The following IL1RL2 variants were observed in gnomAD, a reference collection of about 807,000 sequenced individuals.
The protein encoded by IL1RL2 is interleukin 1 receptor like 2, also known as interleukin-1 receptor-like 2.
Under a neutral mutation model 66.8 loss-of-function variants are expected in IL1RL2, and 68 were observed. That is an observed-to-expected ratio of 1.02 (90% CI 0.84 to 1.25). The LOEUF is 1.25. IL1RL2 is among the 50% of genes most tolerant of loss of function. The pLI is 0.00. For missense variants in IL1RL2, 729 were observed against 709.3 expected, an observed-to-expected ratio of 1.03 and a Z score of -0.32; for synonymous variants, 305 against 264.6, an observed-to-expected ratio of 1.15 and a Z score of -1.48.
chr2:102,218,662 T>C (rs1468663525), intron 6 of IL1RL2, among the ~76,000 whole-genome samples: 1 of 152,208 alleles, frequency 6.6e-6, no homozygotes, highest in Non-Finnish European at 1.5e-5. Context: ...CTTTGTGAAC[T>C]GTCAAGTTCT....
chr2:102,219,167 CTCT>C lies in IL1RL2; in HGVS notation c.854+87_854+89del. On this transcript the variant is annotated intron_variant, in intron 7 of 11. Transcript: ENST00000264257. ...AATCTGGTATCACTACTGCCTTCTC[CTCT>C]TGTTTTTGCCTCTCAATGATTCATG... The C allele has an allele frequency of 2.7e-6, 4 of 1,472,496 alleles. No individual in the cohort carries two copies. In the Admixed American group the frequency reaches 6.9e-5, roughly 26 times the overall value. 91.2% of individuals were successfully genotyped at this position (1,472,496 alleles called of 1,614,324 possible). A position where few individuals can be genotyped will look rare whatever the true frequency, so the allele number is the denominator to read the frequency against.
chr2:102,197,763 T>C (rs1687909804), intron 4 of IL1RL2, among the ~76,000 whole-genome samples: 1 of 152,214 alleles, frequency 6.6e-6, no homozygotes, highest in Admixed American at 6.5e-5. Context: ...CTGTGGGAGC[T>C]GAGTATTCCA....
At chr2:102,187,279 G>A in intron 1 of IL1RL2, 193 bp downstream of exon 1, 1 of 1,176,232 alleles carries the variant, frequency 8.5e-7, no homozygotes. Flanking sequence ...AGTGGAGCTC[G>A]CGGCTATTTT....
At position 102,201,482 on chromosome 2, in the gene IL1RL2, A is replaced by T. The variant is rs1688249625; in HGVS notation, c.490-74A>T. Reference sequence around the variant, plus strand: ...TCTGTTGTCTTCCAGTTAGACTGTAAATTACCTAAATACTAGGGATCACAC... The same window carrying T: ...TCTGTTGTCTTCCAGTTAGACTGTATATTACCTAAATACTAGGGATCACAC... On this transcript the variant is annotated intron_variant, in intron 4 of 11. Coordinates refer to ENST00000264257, the MANE Select transcript of IL1RL2 (RefSeq NM_003854.4). 1.2e-5 allele frequency: 17 copies of T among 1,409,414 alleles called. No individual in the cohort carries two copies. The South Asian group carries it at 1.8e-4, about 15-fold the overall frequency. 87.3% of individuals were successfully genotyped at this position (1,409,414 alleles called of 1,614,324 possible).
chr2:102,224,203 A>AGG (rs1690398216), intron 8 of IL1RL2, among the ~76,000 whole-genome samples: 1 of 152,228 alleles, frequency 6.6e-6, no homozygotes, highest in South Asian at 2.1e-4. Context: ...ATGATCCAGC[A>AGG]ATCCTACTGC....
chr2:102,197,110 T>G (rs1252890006), intron 4 of IL1RL2, among the ~76,000 whole-genome samples: 2 of 152,132 alleles, frequency 1.3e-5, no homozygotes, highest in African/African-American at 4.8e-5. Context: ...TTTCTAATTG[T>G]AAGGAGATGT....
chr2:102,236,261 T>G (rs932936539), intron 11 of IL1RL2, among the ~76,000 whole-genome samples: 3 of 152,104 alleles, frequency 2.0e-5, no homozygotes, highest in Non-Finnish European at 4.4e-5. Context: ...AAGCAGTCAG[T>G]GGGGGCTGGA....
intron 4 of IL1RL2, among the ~76,000 whole-genome samples, chr2:102,198,737 C>A (rs1311879171): frequency 2.0e-5 from 3 of 152,000 alleles, no homozygotes; most frequent in African/African-American, 7.2e-5. Flanking sequence ...ATTTGAGGTT[C>A]CCCATGGTTT....
intron 4 of IL1RL2, among the ~76,000 whole-genome samples, chr2:102,198,824 T>C (rs1687999000): frequency 6.6e-6 from 1 of 152,172 alleles, no homozygotes; most frequent in South Asian, 2.1e-4. Context: ...TTTGGCTCTA[T>C]ATTCTCCATA....
At chr2:102,218,734 G>A (rs1263744330) in intron 6 of IL1RL2, among the ~76,000 whole-genome samples, 1 of 152,192 alleles carries the variant, frequency 6.6e-6, no homozygotes, top group African/African-American at 2.4e-5. Flanking sequence ...GGTAATGCAT[G>A]TGTGTCCCTT....
intron 1 of IL1RL2, 94 bp from the exon 2 acceptor site, chr2:102,187,762 C>A (rs1457127326): frequency 3.8e-6 from 4 of 1,040,642 alleles, no homozygotes; most frequent in Non-Finnish European, 6.1e-6. Context: ...GCGGCCTGGG[C>A]GGTTGTCTTT....
intron 2 of IL1RL2, 71 bp downstream of exon 2, chr2:102,187,996 C>T: frequency 2.0e-6 from 3 of 1,463,984 alleles, no homozygotes; most frequent in South Asian, 2.3e-5. Flanking sequence ...CATTGGGAGC[C>T]CCCGGGGATC....
intron 7 of IL1RL2, 122 bp downstream of exon 7, chr2:102,219,204 C>G (rs1578162860): frequency 9.4e-7 from 1 of 1,060,300 alleles, no homozygotes; most frequent in Middle Eastern, 2.0e-4. Context: ...TGTTATCAAT[C>G]CCACCTATCA....
At chr2:102,240,634 A>T (rs868820936), downstream of IL1RL2, among the ~76,000 whole-genome samples, 16 of 152,156 alleles carry the variant, frequency 1.1e-4, no homozygotes, top group South Asian at 2.1e-4. Context: ...TAACCAACTT[A>T]TGCCTTTCCA....
intron 8 of IL1RL2, 60 bp from the exon 9 acceptor site, chr2:102,225,838 G>A (rs1690549978): frequency 7.5e-7 from 1 of 1,329,432 alleles, no homozygotes; most frequent in South Asian, 1.7e-5. Flanking sequence ...AGTATATAAT[G>A]GACTCTTTGT....
At chr2:102,219,535 T>A (rs1689911225) in intron 7 of IL1RL2, among the ~76,000 whole-genome samples, 1 of 151,920 alleles carries the variant, frequency 6.6e-6, no homozygotes, top group Admixed American at 6.6e-5. Context: ...ATAAATGGAG[T>A]GGTGTAAATA....
chr2:102,227,018 G>A (rs530475963), intron 9 of IL1RL2, among the ~76,000 whole-genome samples: 3 of 152,358 alleles, frequency 2.0e-5, no homozygotes, highest in African/African-American at 4.8e-5. Context: ...AAATGCCTCA[G>A]TGTGATCCTG....
chr2:102,237,095 T>C (rs34505605), intron 11 of IL1RL2, among the ~76,000 whole-genome samples: 1 of 150,802 alleles, frequency 6.6e-6, no homozygotes, highest in Non-Finnish European at 1.5e-5. Flanking sequence ...TTTTCTAAAA[T>C]TCACAGGCAC....
At chr2:102,194,461 T>C (rs147315098) in intron 4 of IL1RL2, among the ~76,000 whole-genome samples, 368 of 152,246 alleles carry the variant, frequency 2.4e-3, no homozygotes, top group African/African-American at 8.1e-3. Flanking sequence ...GAGAGTGAAA[T>C]AGTTGGGTCA....
Sources: allele counts gnomAD v4.1 joint callset (sites outside exome capture counted in the v4.1 genomes callset), GRCh38; gene constraint gnomAD v4.1.1; transcripts MANE v1.5; gene names NCBI Gene and HGNC (gene_info 2026-07-23, HGNC 2026-07-21).